Variants in RAB3D observed in about 807,000 individuals in gnomAD.
The protein encoded by RAB3D is ras-related protein Rab-3D.
In RAB3D, 17 loss-of-function variants were observed where a neutral mutation model predicts 19.3. The observed-to-expected ratio is 0.88, with a 90% CI of 0.60 to 1.32. RAB3D has a LOEUF of 1.32. Among genes scored for constraint, RAB3D ranks in the 40% most tolerant of loss-of-function variants. The pLI, the probability that RAB3D is intolerant of heterozygous loss-of-function variation, is 0.00. For synonymous variants in RAB3D, 103 were observed against 119.9 expected (o/e 0.86, Z 0.92); for missense variants, 223 against 299.1 (o/e 0.75, Z 1.88).
At chr19:11,334,350 T>C (rs192149797) in intron 4 of RAB3D, among the ~76,000 whole-genome samples, 2 of 152,158 alleles carry the variant, frequency 1.3e-5, no homozygotes, top group East Asian at 3.9e-4. Flanking sequence ...ACACCTGTAA[T>C]CCTGGATACT....
Position 11,325,522 on chromosome 19 carries a change from A to G in RAB3D, c.536T>C (p.Leu179Pro). 1 of 1,613,728 alleles carries G rather than the reference A, an allele frequency of 6.2e-7. No homozygotes were observed. Among genetic ancestry groups the G allele is most frequent in the Non-Finnish European group, 8.5e-7 (1 of 1,179,992 alleles). Reference sequence around the variant, plus strand: ...CATCTTCTCGCAGATGACATCCACCAGGCGCTCGAAGACCTGCTTCACATT... The same window carrying G: ...CATCTTCTCGCAGATGACATCCACCGGGCGCTCGAAGACCTGCTTCACATT... Reference protein sequence around the residue: ...NINVKQVFERLVDVICEKMNE... With the variant: ...NINVKQVFERPVDVICEKMNE... Residue 179 changes from leucine (L) to proline (P), a missense_variant, in exon 5 of 5, where the codon CTG becomes CCG. By Grantham distance (98) the Leu-to-Pro change is moderately conservative. Transcript: ENST00000222120.
chr19:11,329,013 C>T (rs1411339442), intron 4 of RAB3D, among the ~76,000 whole-genome samples: 1 of 151,038 alleles, frequency 6.6e-6, no homozygotes, highest in African/African-American at 2.4e-5. Flanking sequence ...CTCACTACGG[C>T]CTTGACTCTT....
intron 2 of RAB3D, among the ~76,000 whole-genome samples, chr19:11,336,486 T>A (rs922307292): frequency 6.6e-6 from 1 of 151,914 alleles, no homozygotes; most frequent in African/African-American, 2.4e-5. Flanking sequence ...TGTTTAAAGT[T>A]TTTTTTAGAG....
chr19:11,335,461 A>AC lies in RAB3D; in HGVS notation c.457_458insG (p.Leu153ArgfsTer11). On this transcript the variant is annotated frameshift_variant, in exon 4 of 5. Coordinates refer to ENST00000222120, the MANE Select transcript of RAB3D (RefSeq NM_004283.4). LOFTEE classifies it high-confidence loss of function. Reference sequence around the variant, plus strand: ...TGGGCACTAACCAAGGTCGTCGGCGAGCCTCCGGCCATCCTCAGCAGGCAC... The same window carrying AC: ...TGGGCACTAACCAAGGTCGTCGGCGACGCCTCCGGCCATCCTCAGCAGGCAC... 2 of 1,614,112 alleles carry AC rather than the reference A, an allele frequency of 1.2e-6. No individual in the cohort carries two copies. Among genetic ancestry groups the AC allele is most frequent in the Non-Finnish European group, 1.7e-6 (2 of 1,180,020 alleles).
Position 11,325,544 on chromosome 19 carries a change from C to T in RAB3D, c.514G>A (p.Val172Met). 1 of 1,613,544 alleles carries T rather than the reference C, an allele frequency of 6.2e-7. No individual in the cohort carries two copies. Among genetic ancestry groups the T allele is most frequent in the Non-Finnish European group, 8.5e-7 (1 of 1,179,982 alleles). ...ACCAGGCGCTCGAAGACCTGCTTCA[C>T]ATTGATGTTCTCCTTGGCACTGGCT... ...FEASAKENIN[V>M]KQVFERLVDV... Residue 172 changes from valine to methionine, a missense_variant, in exon 5 of 5, where the codon GTG becomes ATG. Val to Met is a conservative substitution (Grantham distance 21). Transcript: ENST00000222120.
chr19:11,330,277 C>T (rs529670419), intron 4 of RAB3D, among the ~76,000 whole-genome samples: 1 of 152,312 alleles, frequency 6.6e-6, no homozygotes, highest in South Asian at 2.1e-4. Context: ...ATATTTTAGG[C>T]TTTCTGGGTC....
chr19:11,333,440 T>C (rs574270963), intron 4 of RAB3D, among the ~76,000 whole-genome samples: 3 of 152,242 alleles, frequency 2.0e-5, no homozygotes, highest in Admixed American at 2.0e-4. Flanking sequence ...AAAGGGTATA[T>C]ACAGTAGGGA....
intron 4 of RAB3D, among the ~76,000 whole-genome samples, chr19:11,325,976 T>C (rs2080810478): frequency 6.6e-6 from 1 of 151,986 alleles, no homozygotes; most frequent in Non-Finnish European, 1.5e-5. Context: ...ATCCCAGCAC[T>C]TTGGGAGGCC....
chr19:11,327,416 G>A (rs1329648533), intron 4 of RAB3D, among the ~76,000 whole-genome samples: 1 of 151,960 alleles, frequency 6.6e-6, no homozygotes, highest in African/African-American at 2.4e-5. Context: ...TCTTTTTGTT[G>A]AGACAGAGTT....
intron 4 of RAB3D, among the ~76,000 whole-genome samples, chr19:11,327,711 A>G (rs1279418873): frequency 6.6e-6 from 1 of 152,096 alleles, no homozygotes; most frequent in Non-Finnish European, 1.5e-5. Flanking sequence ...TTTTTCTGAT[A>G]TTAATCAGGC....
intron 2 of RAB3D, 54 bp from the exon 3 acceptor site, chr19:11,335,837 CCT>C (rs1286853866): frequency 6.4e-5 from 99 of 1,537,726 alleles, no homozygotes; most frequent in South Asian, 3.8e-4. Flanking sequence ...CCAGTCCACC[CCT>C]GTCTTAGAGG....
Position 11,322,341 on chromosome 19 carries a change from C to T in RAB3D, c.*3057G>A, listed in dbSNP as rs958183087. On this transcript the variant is annotated 3_prime_UTR_variant, in exon 5 of 5. Coordinates refer to ENST00000222120, the MANE Select transcript of RAB3D (RefSeq NM_004283.4). ...TCTTGGGAGGAGTCCCCCAGTCCCC[C>T]GAAAAAGAAGAAGAAAAAAAAAAAG... is the stretch of plus-strand genomic sequence containing the variant. The T allele has an allele frequency of 1.3e-5, 2 of 150,380 alleles. No individual in the cohort carries two copies. Among genetic ancestry groups the T allele is most frequent in the East Asian group, 1.9e-4 (1 of 5,184 alleles). The allele number at this position is 150,380 out of a possible 1,614,324, so 9.3% of individuals were successfully genotyped here. A position where few individuals can be genotyped will look rare whatever the true frequency, so the allele number is the denominator to read the frequency against.
chr19:11,329,109 G>A (rs2080826902), intron 4 of RAB3D, among the ~76,000 whole-genome samples: 1 of 151,784 alleles, frequency 6.6e-6, no homozygotes, highest in South Asian at 2.1e-4. Context: ...TATAGGGGTG[G>A]GGCTTCACCA....
At chr19:11,325,705 G>C in intron 4 of RAB3D, 120 bp from the exon 5 acceptor site, 5 of 925,118 alleles carry the variant, frequency 5.4e-6, no homozygotes, top group Non-Finnish European at 8.1e-6. Context: ...GTGGGACCTT[G>C]GTTGTGTGCC....
chr19:11,325,637 T>G (rs779120876), intron 4 of RAB3D, 52 bp from the exon 5 acceptor site: 1 of 1,517,076 alleles, frequency 6.6e-7, no homozygotes, highest in Non-Finnish European at 9.0e-7. Context: ...GGGCAGAGTC[T>G]CAGCTGTGGC....
intron 1 of RAB3D, among the ~76,000 whole-genome samples, chr19:11,338,549 A>AGAGGGCCC (rs1202659014): frequency 6.6e-6 from 1 of 152,034 alleles, no homozygotes; most frequent in Non-Finnish European, 1.5e-5. Flanking sequence ...GGGGTTTTCT[A>AGAGGGCCC]TGTACAGGGC....
chr19:11,334,919 A>G (rs2080846949), intron 4 of RAB3D, among the ~76,000 whole-genome samples: 1 of 152,052 alleles, frequency 6.6e-6, no homozygotes, highest in African/African-American at 2.4e-5. Flanking sequence ...TGAGACTCCA[A>G]CTCAAAAAAA....
Position 11,335,701 on chromosome 19 carries a change from A to T in RAB3D, c.311T>A (p.Ile104Asn). ...AGCGGCAAAGGATTCCTGATTGGCG[A>T]TGTCATACATGAGCAGGAAGCCCAT... is the stretch of plus-strand genomic sequence containing the variant. ...GAMGFLLMYDIANQESFAAVQ... is the reference protein window; with the variant it reads ...GAMGFLLMYDNANQESFAAVQ... Residue 104 changes from isoleucine to asparagine, a missense_variant, in exon 3 of 5, where the codon ATC becomes AAC. By Grantham distance (149) the Ile-to-Asn change is moderately radical (BLOSUM62 -3). Coordinates refer to ENST00000222120, the MANE Select transcript of RAB3D (RefSeq NM_004283.4). 1 of 1,614,172 alleles carries T rather than the reference A, an allele frequency of 6.2e-7. No homozygotes were observed. The highest frequency in any genetic ancestry group is 8.5e-7 in the Non-Finnish European group (1 of 1,180,020).
rs759511091 is a variant in RAB3D at position 11,325,493 on chromosome 19, C to T, written c.565G>A (p.Glu189Lys). The T allele has an allele frequency of 2.2e-5, 36 of 1,613,508 alleles. No individual in the cohort carries two copies. Among genetic ancestry groups the T allele is most frequent in the Admixed American group, 3.3e-5 (2 of 60,012 alleles). ...GAGCTGGAGCTGGGTTCCAGGGACTCGTTCATCTTCTCGCAGATGACATCC... is the reference window on the plus strand; with the variant it reads ...GAGCTGGAGCTGGGTTCCAGGGACTTGTTCATCTTCTCGCAGATGACATCC... ...LVDVICEKMNESLEPSSSSGS... is the reference protein window; with the variant it reads ...LVDVICEKMNKSLEPSSSSGS... Residue 189 changes from glutamate to lysine, a missense_variant, in exon 5 of 5, where the codon GAG becomes AAG. Glu to Lys is a moderately conservative substitution (Grantham distance 56). Transcript: ENST00000222120.
Sources: gnomAD v4.1 joint callset for allele counts (sites outside exome capture counted in the v4.1 genomes callset) on GRCh38, gnomAD v4.1.1 for gene constraint, MANE v1.5 for transcripts, NCBI Gene and HGNC (gene_info 2026-07-23, HGNC 2026-07-21) for gene names.